The following VDAC1 variants were observed in gnomAD, a reference collection of about 807,000 sequenced individuals.
VDAC1 encodes the protein voltage dependent anion channel 1.
VDAC1 carries 10 observed loss-of-function variants against 34.7 expected under a neutral mutation model. The ratio of observed to expected loss-of-function variants is 0.29; its 90% confidence interval spans 0.18 to 0.49. VDAC1 has a LOEUF of 0.49. Among genes scored for constraint, VDAC1 ranks in the 20% least tolerant of loss-of-function variants. VDAC1 has a pLI of 0.99. For synonymous variants in VDAC1, 130 were observed against 136.0 expected (o/e 0.96, Z 0.30); for missense variants, 230 against 347.9 (o/e 0.66, Z 2.69).
At chr5:134,032,239 T>C in the VDAC1 span, among the ~76,000 whole-genome samples, 1 of 151,322 alleles carries the variant, frequency 6.6e-6, no homozygotes, top group African/African-American at 2.4e-5. Flanking sequence ...AGGAAACAGA[T>C]TCTCTCCTAG....
At chr5:134,101,713 G>A in the VDAC1 span, among the ~76,000 whole-genome samples, 15 of 152,212 alleles carry the variant, frequency 9.9e-5, no homozygotes, top group East Asian at 2.5e-3. Context: ...GGGTAGGGTC[G>A]GGACTCCTGA....
chr5:134,014,561 T>C, the VDAC1 span, among the ~76,000 whole-genome samples: 1 of 152,064 alleles, frequency 6.6e-6, no homozygotes, highest in Non-Finnish European at 1.5e-5. Flanking sequence ...AGAACTACCA[T>C]TCCACCCAAA....
chr5:134,029,208 C>T, the VDAC1 span, among the ~76,000 whole-genome samples: 2 of 152,210 alleles, frequency 1.3e-5, no homozygotes, highest in Non-Finnish European at 1.5e-5. Flanking sequence ...TCTGCCCCAG[C>T]GAAGCCTTCA....
chr5:134,011,419 C>G, the VDAC1 span, among the ~76,000 whole-genome samples: 1 of 152,132 alleles, frequency 6.6e-6, no homozygotes, highest in Non-Finnish European at 1.5e-5. Context: ...ATTTATTTAT[C>G]TGGCGTAACT....
chr5:134,057,104 G>A, the VDAC1 span, among the ~76,000 whole-genome samples: 3 of 152,078 alleles, frequency 2.0e-5, no homozygotes, highest in African/African-American at 7.2e-5. Flanking sequence ...GGAGGCCGAC[G>A]CAGGTGGATC....
the VDAC1 span, among the ~76,000 whole-genome samples, chr5:134,036,831 T>C: frequency 1.3e-5 from 2 of 151,684 alleles, no homozygotes; most frequent in Non-Finnish European, 2.9e-5. Context: ...CGAGCACCTG[T>C]AGTCCCAGCT....
chr5:134,091,033 C>T, the VDAC1 span, among the ~76,000 whole-genome samples: 1 of 152,126 alleles, frequency 6.6e-6, no homozygotes, highest in Non-Finnish European at 1.5e-5. Context: ...CACAAAGTGG[C>T]CACGGAACAC....
At chr5:134,095,683 G>A in the VDAC1 span, among the ~76,000 whole-genome samples, 1 of 151,974 alleles carries the variant, frequency 6.6e-6, no homozygotes, top group African/African-American at 2.4e-5. Context: ...TGAGCTGGGA[G>A]AGGCGAGCTG....
chr5:134,061,103 G>A, the VDAC1 span, among the ~76,000 whole-genome samples: 3 of 149,142 alleles, frequency 2.0e-5, no homozygotes, highest in African/African-American at 7.4e-5. Flanking sequence ...GACCTCAAGT[G>A]ATCTGCCCAC....
At chr5:134,069,114 T>C in the VDAC1 span, among the ~76,000 whole-genome samples, 1 of 151,960 alleles carries the variant, frequency 6.6e-6, no homozygotes, top group African/African-American at 2.4e-5. Context: ...TGTTTTACTG[T>C]GCTTTCAGAA....
At chr5:134,058,400 G>A in the VDAC1 span, among the ~76,000 whole-genome samples, 21 of 151,112 alleles carry the variant, frequency 1.4e-4, no homozygotes, top group African/African-American at 2.9e-4. Context: ...TGGAAGCTCC[G>A]CCTCCTGAGT....
At position 133,987,576 on chromosome 5, in the gene VDAC1, G is replaced by A. The variant is rs111475484; in HGVS notation, c.323+3279C>T. 3.7e-3 allele frequency among the ~76,000 whole-genome samples: 565 copies of A among 152,150 alleles called. 4 individuals are homozygous for A. Among genetic ancestry groups the A allele is most frequent in the African/African-American group, 0.013 (542 of 41,488 alleles). ...GCCTGTGGTCCCAGCTACTTGGGAG[G>A]CTGAGGAAGGAGGATTGCTGGATCC... On this transcript the variant is annotated intron_variant, in intron 5 of 8. Coordinates refer to ENST00000265333, the MANE Select transcript of VDAC1 (RefSeq NM_003374.3).
At chr5:134,076,030 G>C in the VDAC1 span, among the ~76,000 whole-genome samples, 286 of 151,044 alleles carry the variant, frequency 1.9e-3, no homozygotes, top group Non-Finnish European at 3.2e-3. Context: ...ACCCAGGCTG[G>C]AGTGCAATGG....
the VDAC1 span, among the ~76,000 whole-genome samples, chr5:134,071,458 G>A: frequency 6.6e-6 from 1 of 152,058 alleles, no homozygotes; most frequent in African/African-American, 2.4e-5. The surrounding 1 kb of genome is among the most constrained non-coding windows in gnomAD (Gnocchi z 4.1). Flanking sequence ...CCTTCTCCAC[G>A]CCTCCAACCC....
At chr5:134,055,589 T>G in the VDAC1 span, among the ~76,000 whole-genome samples, 1 of 20,404 alleles carries the variant, frequency 4.9e-5, no homozygotes, top group African/African-American at 2.0e-4. Flanking sequence ...CCCGCTAATG[T>G]TTTTTTTTTT....
intron 1 of VDAC1, among the ~76,000 whole-genome samples, chr5:133,996,341 A>G (rs1052596633): frequency 2.6e-5 from 4 of 152,072 alleles, no homozygotes; most frequent in East Asian, 1.9e-4. Context: ...TACCTACCCA[A>G]CCTTTCCTTG....
chr5:134,051,510 G>GAGAA, the VDAC1 span, among the ~76,000 whole-genome samples: 5 of 152,156 alleles, frequency 3.3e-5, no homozygotes, highest in Non-Finnish European at 7.3e-5. Flanking sequence ...GATCATTTGT[G>GAGAA]AGAACCTTGT....
the VDAC1 span, among the ~76,000 whole-genome samples, chr5:134,016,400 G>A: frequency 3.8e-3 from 576 of 152,282 alleles, 4 homozygotes; most frequent in Non-Finnish European, 4.9e-3. Flanking sequence ...CCTTTGCTCA[G>A]CACACTCTGG....
the VDAC1 span, among the ~76,000 whole-genome samples, chr5:134,026,485 A>G: frequency 7.1e-6 from 1 of 141,642 alleles, no homozygotes; most frequent in South Asian, 2.3e-4. Flanking sequence ...ACTGCACTCC[A>G]GCCTGGGTGA....
Sources: allele counts gnomAD v4.1 joint callset (sites outside exome capture counted in the v4.1 genomes callset), GRCh38; gene constraint gnomAD v4.1.1; non-coding constraint Gnocchi (gnomAD v3.1); transcripts MANE v1.5; gene names NCBI Gene and HGNC (gene_info 2026-07-23, HGNC 2026-07-21).